The following PRKD1 variants were observed in gnomAD, a reference collection of about 807,000 sequenced individuals.
The protein encoded by PRKD1 is protein kinase D1.
In PRKD1, 63 loss-of-function variants were observed where a neutral mutation model predicts 95.9. That is an observed-to-expected ratio of 0.66 (90% CI 0.54 to 0.81). The LOEUF is 0.81. Among genes scored for constraint, PRKD1 ranks in the 30% least tolerant of loss-of-function variants. The pLI is 0.00. For synonymous variants in PRKD1, 425 were observed against 423.1 expected, an observed-to-expected ratio of 1.00 and a Z score of -0.05; for missense variants, 1,048 against 1,165.3, an observed-to-expected ratio of 0.90 and a Z score of 1.47.
intron 16 of PRKD1, among the ~76,000 whole-genome samples, chr14:29,589,310 C>A (rs1893044932): frequency 6.6e-6 from 1 of 152,208 alleles, no homozygotes; most frequent in African/African-American, 2.4e-5. Flanking sequence ...TCTCACTTCA[C>A]CAAGTATACA....
chr14:29,577,485 T>C (rs762358936), intron 17 of PRKD1, 29 bp from the exon 18 acceptor site: 33 of 1,579,750 alleles, frequency 2.1e-5, no homozygotes, highest in African/African-American at 4.0e-5. Context: ...AATATTACCA[T>C]AGAGATCATT....
intron 1 of PRKD1, among the ~76,000 whole-genome samples, chr14:29,863,911 G>A (rs563719671): frequency 1.6e-4 from 25 of 152,054 alleles, no homozygotes; most frequent in African/African-American, 5.3e-4. Context: ...AATGAATAAC[G>A]GCAGTTTTAG....
intron 1 of PRKD1, among the ~76,000 whole-genome samples, chr14:29,784,686 T>C (rs1056549289): frequency 6.6e-6 from 1 of 152,170 alleles, no homozygotes; most frequent in African/African-American, 2.4e-5. Context: ...AAAAGTTGCC[T>C]GTGGTCTGAG....
At chr14:29,584,107 G>A (rs1054801105) in intron 16 of PRKD1, among the ~76,000 whole-genome samples, 6 of 152,144 alleles carry the variant, frequency 3.9e-5, no homozygotes, top group East Asian at 1.9e-4. Context: ...TGGTATATGC[G>A]GGTGCAGAGG....
chr14:29,859,646 T>TA (rs759572396), intron 1 of PRKD1, among the ~76,000 whole-genome samples: 2 of 151,870 alleles, frequency 1.3e-5, no homozygotes, highest in Non-Finnish European at 2.9e-5. Flanking sequence ...AATGTCTTTA[T>TA]ATTCAGTCAA....
chr14:29,633,179 G>A (rs1047415591), intron 8 of PRKD1, among the ~76,000 whole-genome samples: 1 of 152,132 alleles, frequency 6.6e-6, no homozygotes, highest in Non-Finnish European at 1.5e-5. Context: ...AGAAGATGAA[G>A]TATTAGCGCC....
intron 1 of PRKD1, among the ~76,000 whole-genome samples, chr14:29,800,749 T>C (rs531005854): frequency 6.6e-6 from 1 of 152,306 alleles, no homozygotes; most frequent in Non-Finnish European, 1.5e-5. Context: ...TATAAATCTT[T>C]CCCTGGACAG....
At chr14:29,810,888 G>A (rs754818634) in intron 1 of PRKD1, among the ~76,000 whole-genome samples, 1 of 152,180 alleles carries the variant, frequency 6.6e-6, no homozygotes, top group Non-Finnish European at 1.5e-5. Context: ...AATTAAAGTG[G>A]AAGATGCAAG....
intron 16 of PRKD1, chr14:29,591,303 T>A (rs1461929934): frequency 1.3e-5 from 2 of 152,158 alleles, no homozygotes; most frequent in African/African-American, 4.8e-5. Flanking sequence ...ATAAAGAAGA[T>A]GATAAAGATA....
chr14:29,721,675 T>C (rs181703783), intron 2 of PRKD1, among the ~76,000 whole-genome samples: 14 of 146,222 alleles, frequency 9.6e-5, no homozygotes, highest in African/African-American at 2.2e-4. Context: ...TTCACTCTGG[T>C]AAAAAAAAAA....
intron 1 of PRKD1, among the ~76,000 whole-genome samples, chr14:29,738,369 C>A (rs942153501): frequency 6.6e-6 from 1 of 152,138 alleles, no homozygotes; most frequent in African/African-American, 2.4e-5. Context: ...CACCACCACT[C>A]CCTGCCAAAG....
chr14:29,598,252 G>A (rs1893382680), intron 15 of PRKD1, among the ~76,000 whole-genome samples: 1 of 150,418 alleles, frequency 6.6e-6, no homozygotes, highest in Non-Finnish European at 1.5e-5. Context: ...CTCCAGCCTG[G>A]GGCAACAGAG....
intron 1 of PRKD1, among the ~76,000 whole-genome samples, chr14:29,878,211 A>G (rs1893371804): frequency 1.3e-5 from 2 of 152,232 alleles, no homozygotes; most frequent in African/African-American, 2.4e-5. Flanking sequence ...TTGGCTTAGT[A>G]CTTGGGTGAT....
At chr14:29,676,942 T>C (rs2139254319) in intron 2 of PRKD1, among the ~76,000 whole-genome samples, 1 of 152,326 alleles carries the variant, frequency 6.6e-6, no homozygotes, top group Admixed American at 6.5e-5. Flanking sequence ...AATTAAAAAT[T>C]CGGTTCCTCA....
intron 8 of PRKD1, 128 bp from the exon 9 acceptor site, chr14:29,633,074 G>C (rs1173728876): frequency 1.3e-6 from 1 of 793,822 alleles, no homozygotes; most frequent in Non-Finnish European, 2.1e-6. Flanking sequence ...CTTTGGGAAA[G>C]GCAGACTCAT....
chr14:29,603,314 C>A (rs1198763568), intron 13 of PRKD1, among the ~76,000 whole-genome samples: 1 of 152,138 alleles, frequency 6.6e-6, no homozygotes, highest in African/African-American at 2.4e-5. Flanking sequence ...GAGACAAGGC[C>A]ATCATAGATA....
rs375190788 is a variant in PRKD1, at chr14:29,909,511, G to A, written c.264+17738C>T. On this transcript the variant is annotated intron_variant, in intron 1 of 17. Transcript: ENST00000331968. ...GGGACTCGGAGAACCTTTATGTCTA[G>A]CTAAGGGATTGTAGATACACCAATC... is the stretch of plus-strand genomic sequence containing the variant. 5.9e-5 allele frequency among the ~76,000 whole-genome samples: 9 copies of A among 152,312 alleles called. No individual in the cohort carries two copies. In the East Asian group the frequency reaches 1.2e-3, roughly 20 times the overall value.
rs1180294559 is a variant in PRKD1, at chr14:29,917,227, T to C, written c.264+10022A>G. 2.0e-5 allele frequency among the ~76,000 whole-genome samples: 3 copies of C among 152,288 alleles called. No individual in the cohort carries two copies. In the East Asian group the frequency reaches 5.8e-4, roughly 29 times the overall value. Reference sequence around the variant, plus strand: ...TAGTCATTCACCCAAAACAAAGAAATAGTTCCATAATCATCCTGTAATTAT... The same window carrying C: ...TAGTCATTCACCCAAAACAAAGAAACAGTTCCATAATCATCCTGTAATTAT... On this transcript the variant is annotated intron_variant, in intron 1 of 17. Coordinates refer to ENST00000331968, the MANE Select transcript of PRKD1 (RefSeq NM_002742.3).
intron 4 of PRKD1, among the ~76,000 whole-genome samples, chr14:29,659,530 C>G (rs892750900): frequency 6.6e-6 from 1 of 152,104 alleles, no homozygotes; most frequent in Non-Finnish European, 1.5e-5. Flanking sequence ...TTTAGCTTTA[C>G]GAGATAACTG....
Sources: gnomAD v4.1 joint callset for allele counts (sites outside exome capture counted in the v4.1 genomes callset) on GRCh38, gnomAD v4.1.1 for gene constraint, MANE v1.5 for transcripts, NCBI Gene and HGNC (gene_info 2026-07-23, HGNC 2026-07-21) for gene names.